Variants in CHRNA7 observed in about 807,000 individuals in gnomAD.
CHRNA7 encodes the protein cholinergic receptor nicotinic alpha 7 subunit, also known as neuronal acetylcholine receptor subunit alpha-7.
In CHRNA7, 17 loss-of-function variants were observed where a neutral mutation model predicts 48.0. The ratio of observed to expected loss-of-function variants is 0.35; its 90% confidence interval spans 0.24 to 0.53. The LOEUF (loss-of-function observed/expected upper bound fraction) is 0.53, where lower values mean the gene tolerates loss of function less well. Ranked by LOEUF, CHRNA7 falls within the 20% of genes least tolerant of loss-of-function variation. The pLI is 0.92. For missense variants in CHRNA7, 155 were observed against 577.7 expected (o/e 0.27, Z 7.50); for synonymous variants, 75 against 242.3 (o/e 0.31, Z 6.41).
intron 3 of CHRNA7, among the ~76,000 whole-genome samples, chr15:32,109,298 G>A (rs2050724107): frequency 6.6e-6 from 1 of 152,160 alleles, no homozygotes; most frequent in Non-Finnish European, 1.5e-5. Context: ...CCATGAGGAT[G>A]ACCAGAGGTC....
In CHRNA7 at chr15:32,149,053, G is replaced by A. The variant is rs2651416; in HGVS notation, c.351-4854G>A. On this transcript the variant is annotated intron_variant, in intron 4 of 9. Transcript: ENST00000306901. This position sits in a 1 kb window ranked among gnomAD's most constrained non-coding sequence, Gnocchi z 4.6. Reference sequence around the variant, plus strand: ...CAGAGCTCTCCTCACACCAAGAGTGGGCCCCAGTCATTGCTGGCTGGGGGA... The same window carrying A: ...CAGAGCTCTCCTCACACCAAGAGTGAGCCCCAGTCATTGCTGGCTGGGGGA... Among the ~76,000 whole-genome samples, 146,930 of 152,234 alleles carry A rather than the reference G, an allele frequency of 0.97. 71,117 individuals are homozygous for A. Among genetic ancestry groups the A allele is most frequent in the East Asian group, 1 (5,172 of 5,172 alleles).
At chr15:32,117,858 A>G (rs117674533) in intron 4 of CHRNA7, among the ~76,000 whole-genome samples, 4 of 152,158 alleles carry the variant, frequency 2.6e-5, no homozygotes, top group Non-Finnish European at 4.4e-5. Flanking sequence ...TCAAAGGCTC[A>G]TAATGCAGTC....
intron 2 of CHRNA7, among the ~76,000 whole-genome samples, chr15:32,096,299 C>T (rs1199127082): frequency 6.6e-6 from 1 of 152,140 alleles, no homozygotes; most frequent in Non-Finnish European, 1.5e-5. Flanking sequence ...TGGTAAAGTA[C>T]TTGTTCATCT....
chr15:32,030,655 G>A lies in CHRNA7; in HGVS notation c.55+6G>A. 1.3e-6 allele frequency: 2 copies of A among 1,575,886 alleles called. No individual in the cohort carries two copies. The highest frequency in any genetic ancestry group is 1.7e-6 in the Non-Finnish European group (2 of 1,164,582). On this transcript the variant is annotated splice_donor_region_variant and intron_variant, in intron 1 of 9. Coordinates refer to ENST00000306901, the MANE Select transcript of CHRNA7 (RefSeq NM_000746.6). Reference sequence around the variant, plus strand: ...GGCCGCGTCGCTCCTGCACGGTAAAGCCACTGCCTCCCCGCCCTCCACTCC... The same window carrying A: ...GGCCGCGTCGCTCCTGCACGGTAAAACCACTGCCTCCCCGCCCTCCACTCC...
At chr15:32,138,771 T>TTGTTTTGTTTTGTTTTGTTTTGTTC (rs2051321947) in intron 4 of CHRNA7, among the ~76,000 whole-genome samples, 1 of 152,126 alleles carries the variant, frequency 6.6e-6, no homozygotes. Flanking sequence ...TTGTTTTGTT[T>TTGTTTTGTTTTGTTTTGTTTTGTTC]GAGATGGTGT....
At chr15:32,117,494 A>G (rs1457677304) in intron 4 of CHRNA7, among the ~76,000 whole-genome samples, 4 of 152,078 alleles carry the variant, frequency 2.6e-5, no homozygotes, top group Non-Finnish European at 5.9e-5. Context: ...AGTTGCTTTC[A>G]CCCTGCTTTG....
At chr15:32,098,912 T>TAC (rs1272048098) in intron 2 of CHRNA7, 16 of 56,760 alleles carry the variant, frequency 2.8e-4, no homozygotes, top group South Asian at 9.0e-4. Context: ...ACACACACTT[T>TAC]TTATTCTAGG....
chr15:32,140,771 TG>T (rs1359763244), intron 4 of CHRNA7, among the ~76,000 whole-genome samples: 1 of 152,222 alleles, frequency 6.6e-6, no homozygotes, highest in Non-Finnish European at 1.5e-5. Context: ...TTGATGGGGT[TG>T]TTTTTTTCTT....
At chr15:32,132,061 T>C (rs2051166158) in intron 4 of CHRNA7, among the ~76,000 whole-genome samples, 2 of 152,132 alleles carry the variant, frequency 1.3e-5, no homozygotes, top group South Asian at 4.1e-4. Flanking sequence ...GAGGAGTGTC[T>C]CCCTTTTGCC....
intron 2 of CHRNA7, among the ~76,000 whole-genome samples, chr15:32,062,265 A>G (rs1000602060): frequency 6.6e-6 from 1 of 152,088 alleles, no homozygotes; most frequent in African/African-American, 2.4e-5. Flanking sequence ...TAATTAACAC[A>G]CTTCCCTTCA....
In CHRNA7 at chr15:32,041,531, G is replaced by A. The variant is rs925713375; in HGVS notation, c.195+10494G>A. ...CTCCCTGACCTGCCCCTCACCTCCT[G>A]GTGTGTGGCCCAGTTCCTAACAGTC... is the stretch of plus-strand genomic sequence containing the variant. On this transcript the variant is annotated intron_variant, in intron 2 of 9. Transcript: ENST00000306901. 3.9e-5 allele frequency among the ~76,000 whole-genome samples: 6 copies of A among 152,354 alleles called. No homozygotes were observed. The South Asian group carries it at 1.2e-3, about 32-fold the overall frequency.
In CHRNA7 at chr15:32,148,933, T is replaced by G. The variant is rs191895300; in HGVS notation, c.351-4974T>G. Reference sequence around the variant, plus strand: ...CCTTTAAAGCCTATGCAGACACCTCTCCTCCTCCTACCCCCGCTAAGGACA... The same window carrying G: ...CCTTTAAAGCCTATGCAGACACCTCGCCTCCTCCTACCCCCGCTAAGGACA... On this transcript the variant is annotated intron_variant, in intron 4 of 9. Transcript: ENST00000306901. Among the ~76,000 whole-genome samples the G allele has an allele frequency of 1.3e-3, 203 of 152,264 alleles. 1 individual carries two copies. The highest frequency in any genetic ancestry group is 4.8e-3 in the African/African-American group (200 of 41,552).
At chr15:32,083,338 G>A (rs2050245102) in intron 2 of CHRNA7, among the ~76,000 whole-genome samples, 1 of 152,144 alleles carries the variant, frequency 6.6e-6, no homozygotes, top group African/African-American at 2.4e-5. Flanking sequence ...TCCATCATGG[G>A]ATGTTGTAGC....
At chr15:32,127,335 A>T (rs2051085087) in intron 4 of CHRNA7, among the ~76,000 whole-genome samples, 2 of 152,174 alleles carry the variant, frequency 1.3e-5, no homozygotes, top group Non-Finnish European at 2.9e-5. Flanking sequence ...AAATTACATA[A>T]GCACGCAATT....
chr15:32,046,173 G>C (rs560658441), intron 2 of CHRNA7, among the ~76,000 whole-genome samples: 1 of 151,716 alleles, frequency 6.6e-6, no homozygotes, highest in South Asian at 2.1e-4. Context: ...TAGTCCTTTG[G>C]GTATATACCC....
chr15:32,145,761 C>G (rs974557025), intron 4 of CHRNA7, among the ~76,000 whole-genome samples: 1 of 152,194 alleles, frequency 6.6e-6, no homozygotes, highest in Non-Finnish European at 1.5e-5. Flanking sequence ...GTCTGCTGAT[C>G]GCTAAGACCG....
chr15:32,061,287 G>A (rs1000614473), intron 2 of CHRNA7, among the ~76,000 whole-genome samples: 1 of 152,168 alleles, frequency 6.6e-6, no homozygotes, highest in East Asian at 1.9e-4. Context: ...CAACAGAAGA[G>A]GAGGAAGGAA....
chr15:32,096,742 C>T (rs2050475553), intron 2 of CHRNA7, among the ~76,000 whole-genome samples: 1 of 152,110 alleles, frequency 6.6e-6, no homozygotes, highest in African/African-American at 2.4e-5. Context: ...CAAGATAGCA[C>T]ATTACGCATT....
chr15:32,049,895 T>G (rs1245875745), intron 2 of CHRNA7, among the ~76,000 whole-genome samples: 1 of 152,158 alleles, frequency 6.6e-6, no homozygotes, highest in Non-Finnish European at 1.5e-5. Context: ...TTATTTCTCC[T>G]TCACTTATGA....
Sources: gnomAD v4.1 joint callset for allele counts (sites outside exome capture counted in the v4.1 genomes callset) on GRCh38, gnomAD v4.1.1 for gene constraint, Gnocchi (gnomAD v3.1) non-coding constraint, MANE v1.5 for transcripts, NCBI Gene and HGNC (gene_info 2026-07-23, HGNC 2026-07-21) for gene names.